The following DMD variants were observed in gnomAD, a reference collection of about 807,000 sequenced individuals.
The protein encoded by DMD is dystrophin.
A neutral mutation model predicts 330.1 loss-of-function variants in DMD; 63 were observed. The observed-to-expected ratio is 0.19, with a 90% CI of 0.16 to 0.24. The LOEUF (loss-of-function observed/expected upper bound fraction) is 0.24. Among genes scored for constraint, DMD ranks in the 10% least tolerant of loss-of-function variants. The pLI, the probability that DMD is intolerant of heterozygous loss-of-function variation, is 1.00. For missense variants in DMD, 3,344 were observed against 2,684.1 expected, an observed-to-expected ratio of 1.25 and a Z score of -5.43; for synonymous variants, 1,223 against 959.8, an observed-to-expected ratio of 1.27 and a Z score of -5.07.
intron 4 of DMD, among the ~76,000 whole-genome samples, chrX:32,833,255 T>C (rs781707549): frequency 2.7e-5 from 3 of 111,478 alleles, no homozygotes; most frequent in Non-Finnish European, 5.7e-5. Flanking sequence ...CATTTGTTTA[T>C]ATACTGCCTC....
At chrX:32,726,122 G>A (rs1041563109) in intron 7 of DMD, among the ~76,000 whole-genome samples, 9 of 110,925 alleles carry the variant, frequency 8.1e-5, no homozygotes, top group East Asian at 5.6e-4. Context: ...AAGAATCTAC[G>A]CAATCTTAAC....
chrX:31,289,124 C>T (rs1439914441), intron 62 of DMD, among the ~76,000 whole-genome samples: 3 of 107,124 alleles, frequency 2.8e-5, no homozygotes, highest in Non-Finnish European at 3.9e-5. Context: ...TATAAAAATA[C>T]AAAAATTAGC....
rs2097991249 is a variant in DMD, at chrX:32,390,141, T to G, written c.4274A>C (p.Glu1425Ala). Residue 1425 changes from glutamate (E) to alanine (A), a missense_variant, in exon 31 of 79, where the codon GAA (glutamate) becomes GCA (alanine). Transcript: ENST00000357033. ...CCCCTGATTATGTTTCTTCATTTCT[T>G]CTAAACTGATCTCATGACTTGTCAA... Reference protein sequence around the residue: ...SDLTSHEISLEEMKKHNQGKE... With the variant: ...SDLTSHEISLAEMKKHNQGKE... The G allele has an allele frequency of 8.3e-7, 1 of 1,207,856 alleles. No homozygotes were observed. Among genetic ancestry groups the G allele is most frequent in the African/African-American group, 1.7e-5 (1 of 57,158 alleles).
intron 2 of DMD, among the ~76,000 whole-genome samples, chrX:32,943,278 A>T (rs752449487): frequency 1.8e-5 from 2 of 111,863 alleles, no homozygotes; most frequent in East Asian, 5.6e-4. Flanking sequence ...ACAAATTTAT[A>T]TTCATTAATA....
chrX:32,833,300 T>C (rs1253200901), intron 4 of DMD, among the ~76,000 whole-genome samples: 5 of 110,993 alleles, frequency 4.5e-5, no homozygotes, highest in African/African-American at 1.6e-4. Context: ...TTAATACAAG[T>C]GTCTCATAAT....
chrX:31,510,697 A>G (rs768170823), intron 55 of DMD, among the ~76,000 whole-genome samples: 369 of 108,387 alleles, frequency 3.4e-3, no homozygotes, highest in African/African-American at 1.0e-2. Context: ...TTTTAGTAGA[A>G]ACAGGGTTTC....
At chrX:31,468,180 A>G (rs1210363001) in intron 59 of DMD, among the ~76,000 whole-genome samples, 1 of 111,369 alleles carries the variant, frequency 9.0e-6, no homozygotes, top group East Asian at 2.8e-4. Context: ...TTCTGCTCTG[A>G]TCGTAGTTAT....
At chrX:32,864,666 T>G (rs1428606277) in intron 2 of DMD, among the ~76,000 whole-genome samples, 2 of 111,670 alleles carry the variant, frequency 1.8e-5, no homozygotes, top group East Asian at 5.6e-4. Flanking sequence ...ATCGGGGGTT[T>G]CATTAACTCC....
At chrX:31,426,660 G>A (rs986252006) in intron 60 of DMD, among the ~76,000 whole-genome samples, 2 of 111,580 alleles carry the variant, frequency 1.8e-5, no homozygotes, top group Non-Finnish European at 3.8e-5. Flanking sequence ...TTATCTGGTG[G>A]CCTCACCAAC....
chrX:31,343,576 A>C (rs1482118141), intron 61 of DMD, among the ~76,000 whole-genome samples: 2 of 94,560 alleles, frequency 2.1e-5, no homozygotes, highest in African/African-American at 4.1e-5. Context: ...ATAATTTCCA[A>C]AGGGGAGTGT....
intron 1 of DMD, among the ~76,000 whole-genome samples, chrX:33,290,331 A>G (rs1474845438): frequency 9.0e-6 from 1 of 111,504 alleles, no homozygotes; most frequent in Non-Finnish European, 1.9e-5. Flanking sequence ...TCTATTCCCA[A>G]TAAAGTCTCT....
At chrX:31,777,962 G>C (rs1296724410) in intron 50 of DMD, among the ~76,000 whole-genome samples, 2 of 111,603 alleles carry the variant, frequency 1.8e-5, no homozygotes, top group Non-Finnish European at 3.8e-5. Context: ...TTCTTTCCAG[G>C]CTCCTCCACA....
At chrX:32,679,014 A>C (rs2062168973) in intron 9 of DMD, among the ~76,000 whole-genome samples, 1 of 112,243 alleles carries the variant, frequency 8.9e-6, no homozygotes, top group Admixed American at 9.5e-5. Flanking sequence ...AACACACTAA[A>C]AAGTAAGATA....
intron 1 of DMD, among the ~76,000 whole-genome samples, chrX:33,314,002 T>C (rs999979706): frequency 5.5e-5 from 6 of 109,601 alleles, no homozygotes; most frequent in African/African-American, 1.0e-4. Context: ...TGTGTGTGTG[T>C]GTGTGTAATG....
chrX:32,270,593 G>A (rs1218630127), intron 43 of DMD, among the ~76,000 whole-genome samples: 1 of 111,639 alleles, frequency 9.0e-6, no homozygotes, highest in Non-Finnish European at 1.9e-5. Context: ...GATATGCCAC[G>A]TGACTTGCTT....
intron 41 of DMD, among the ~76,000 whole-genome samples, chrX:32,324,900 A>T (rs2097642735): frequency 9.0e-6 from 1 of 111,630 alleles, no homozygotes; most frequent in East Asian, 2.8e-4. Context: ...CATCAAAAAG[A>T]AAGATTTGAT....
intron 44 of DMD, among the ~76,000 whole-genome samples, chrX:32,153,814 G>T (rs748044179): frequency 2.7e-5 from 3 of 111,960 alleles, no homozygotes; most frequent in East Asian, 5.6e-4. Context: ...ATTAATGAAC[G>T]TGCGCACCTG....
intron 51 of DMD, among the ~76,000 whole-genome samples, chrX:31,740,870 G>T (rs753767945): frequency 8.9e-6 from 1 of 112,087 alleles, no homozygotes; most frequent in East Asian, 2.8e-4. Context: ...AGCATGTGAT[G>T]CTGTTTGATA....
chrX:31,321,533 G>A (rs768643843), intron 62 of DMD, among the ~76,000 whole-genome samples: 10 of 92,215 alleles, frequency 1.1e-4, no homozygotes, highest in African/African-American at 3.7e-4. Context: ...GCAGTGAGCC[G>A]AGATCGGGCC....
Sources: allele counts gnomAD v4.1 joint callset (sites outside exome capture counted in the v4.1 genomes callset), GRCh38; gene constraint gnomAD v4.1.1; transcripts MANE v1.5; gene names NCBI Gene and HGNC (gene_info 2026-07-23, HGNC 2026-07-21).